Variants in NKAIN3 observed in about 807,000 individuals in gnomAD.
The protein encoded by NKAIN3 is sodium/potassium-transporting ATPase subunit beta-1-interacting protein 3.
NKAIN3 carries 25 observed loss-of-function variants against 30.2 expected under a neutral mutation model. The observed-to-expected ratio is 0.83, with a 90% CI of 0.60 to 1.16. The LOEUF (loss-of-function observed/expected upper bound fraction) is 1.16. NKAIN3 is among the 50% of genes most tolerant of loss of function. The pLI, the probability that NKAIN3 is intolerant of heterozygous loss-of-function variation, is 0.00. For synonymous variants in NKAIN3, 91 were observed against 89.6 expected, an observed-to-expected ratio of 1.02 and a Z score of -0.09; for missense variants, 225 against 254.1, an observed-to-expected ratio of 0.89 and a Z score of 0.78.
At chr8:62,614,505 C>A (rs1811389387) in intron 3 of NKAIN3, among the ~76,000 whole-genome samples, 1 of 152,230 alleles carries the variant, frequency 6.6e-6, no homozygotes, top group Middle Eastern at 3.4e-3. Context: ...CACTCCCTGG[C>A]TACTGCCTAT....
intron 6 of NKAIN3, among the ~76,000 whole-genome samples, chr8:62,961,284 A>T (rs7846151): frequency 0.56 from 84,957 of 150,784 alleles, 24,853 homozygotes; most frequent in African/African-American, 0.75. Context: ...TGTCTCAAAA[A>T]AAAAAAAAAA....
intron 1 of NKAIN3, among the ~76,000 whole-genome samples, chr8:62,381,061 C>A (rs1389468244): frequency 6.6e-6 from 1 of 151,940 alleles, no homozygotes; most frequent in Non-Finnish European, 1.5e-5. Context: ...CTTAGTTTTC[C>A]AATTAAAAAC....
At chr8:62,508,994 T>A (rs565622739) in intron 1 of NKAIN3, among the ~76,000 whole-genome samples, 1 of 149,692 alleles carries the variant, frequency 6.7e-6, no homozygotes, top group Admixed American at 6.6e-5. Context: ...TTCCCCAGTA[T>A]GCATGGCTCT....
At chr8:62,774,667 T>G (rs989854466) in intron 4 of NKAIN3, among the ~76,000 whole-genome samples, 2 of 152,202 alleles carry the variant, frequency 1.3e-5, no homozygotes, top group African/African-American at 4.8e-5. Flanking sequence ...ACTGATCACA[T>G]GGTTTTTGTA....
chr8:62,674,224 C>T (rs143997525), intron 3 of NKAIN3, among the ~76,000 whole-genome samples: 12 of 152,290 alleles, frequency 7.9e-5, no homozygotes, highest in Admixed American at 1.3e-4. Context: ...CCAAATAAGT[C>T]GGACTCTTGT....
At chr8:62,307,634 A>G (rs551081523) in intron 1 of NKAIN3, among the ~76,000 whole-genome samples, 1 of 150,720 alleles carries the variant, frequency 6.6e-6, no homozygotes, top group African/African-American at 2.5e-5. Context: ...GTGCACAATC[A>G]CTGTTTTGGG....
chr8:62,773,969 A>G (rs1177899992), intron 4 of NKAIN3, among the ~76,000 whole-genome samples: 1 of 152,200 alleles, frequency 6.6e-6, no homozygotes, highest in African/African-American at 2.4e-5. Flanking sequence ...TTTGACAGAT[A>G]TTGTATTGAA....
intron 4 of NKAIN3, among the ~76,000 whole-genome samples, chr8:62,789,563 A>C (rs1817636650): frequency 2.0e-5 from 3 of 152,054 alleles, no homozygotes; most frequent in Non-Finnish European, 4.4e-5. Flanking sequence ...AGAAGTTCCA[A>C]CACTATGTTG....
At chr8:62,766,252 CTTTA>C (rs910690197) in intron 4 of NKAIN3, among the ~76,000 whole-genome samples, 3 of 152,120 alleles carry the variant, frequency 2.0e-5, no homozygotes, top group African/African-American at 7.2e-5. Context: ...GTAATAACTA[CTTTA>C]TTAACTCATT....
chr8:62,471,825 T>C (rs1414548834), intron 1 of NKAIN3, among the ~76,000 whole-genome samples: 1 of 152,038 alleles, frequency 6.6e-6, no homozygotes, highest in Non-Finnish European at 1.5e-5. Flanking sequence ...AGCGTGCCTG[T>C]AGTCCCAGGT....
intron 3 of NKAIN3, among the ~76,000 whole-genome samples, chr8:62,664,967 T>C (rs1813055468): frequency 6.6e-6 from 1 of 152,210 alleles, no homozygotes; most frequent in Non-Finnish European, 1.5e-5. Context: ...ACCTCAACTC[T>C]TCTTTTAATT....
chr8:62,867,928 G>A (rs182958698), intron 4 of NKAIN3, among the ~76,000 whole-genome samples: 25 of 152,216 alleles, frequency 1.6e-4, no homozygotes, highest in Admixed American at 9.8e-4. Flanking sequence ...ACAAATACAC[G>A]CACAGAGCAA....
intron 1 of NKAIN3, among the ~76,000 whole-genome samples, chr8:62,517,730 G>A (rs1808038168): frequency 6.6e-6 from 1 of 152,066 alleles, no homozygotes; most frequent in Non-Finnish European, 1.5e-5. Flanking sequence ...TTTCCTTCCA[G>A]CATTAGCATA....
intron 1 of NKAIN3, among the ~76,000 whole-genome samples, chr8:62,250,095 A>G (rs551523642): frequency 1.5e-4 from 23 of 152,352 alleles, no homozygotes; most frequent in South Asian, 1.2e-3. Context: ...AGTCACAAAT[A>G]TAAACTAGTA....
intron 5 of NKAIN3, among the ~76,000 whole-genome samples, chr8:62,942,370 A>G (rs777739580): frequency 6.0e-5 from 9 of 151,170 alleles, no homozygotes; most frequent in Non-Finnish European, 5.9e-5. Flanking sequence ...AACATTGCTG[A>G]AAGAAATTAT....
chr8:62,864,124 A>G, intron 4 of NKAIN3: 2 of 627,106 alleles, frequency 3.2e-6, no homozygotes, highest in South Asian at 1.9e-5. Context: ...CGCGGAGGTG[A>G]TGGCGACGCG....
At chr8:62,264,820 T>A (rs1812556422) in intron 1 of NKAIN3, among the ~76,000 whole-genome samples, 1 of 152,190 alleles carries the variant, frequency 6.6e-6, no homozygotes, top group Non-Finnish European at 1.5e-5. Context: ...ACGGTGCATG[T>A]GCCACTGCTC....
At chr8:62,566,711 A>G (rs1394314307) in intron 1 of NKAIN3, among the ~76,000 whole-genome samples, 2 of 151,976 alleles carry the variant, frequency 1.3e-5, no homozygotes, top group African/African-American at 4.8e-5. Flanking sequence ...ACCAGCTCCA[A>G]CTTTTTTTTC....
At chr8:62,695,355 T>C (rs950524469) in intron 3 of NKAIN3, among the ~76,000 whole-genome samples, 6 of 152,058 alleles carry the variant, frequency 3.9e-5, no homozygotes. Context: ...AAAATAAATA[T>C]AGGAACAGCA....
Sources: gnomAD v4.1 joint callset for allele counts (sites outside exome capture counted in the v4.1 genomes callset) on GRCh38, gnomAD v4.1.1 for gene constraint, MANE v1.5 for transcripts, NCBI Gene and HGNC (gene_info 2026-07-23, HGNC 2026-07-21) for gene names.